The following DAAM2 variants were observed in gnomAD, a reference collection of about 807,000 sequenced individuals.
DAAM2 encodes disheveled-associated activator of morphogenesis 2.
A neutral mutation model predicts 120.7 loss-of-function variants in DAAM2; 39 were observed. That is an observed-to-expected ratio of 0.32 (90% CI 0.25 to 0.42). The LOEUF (loss-of-function observed/expected upper bound fraction) is 0.42, where lower values mean the gene tolerates loss of function less well. Among genes scored for constraint, DAAM2 ranks in the 10% least tolerant of loss-of-function variants. The probability of loss-of-function intolerance (pLI) is 1.00; values close to 1 mark genes in which losing one functional copy is unlikely to be tolerated. For synonymous variants in DAAM2, 488 were observed against 524.9 expected (o/e 0.93, Z 0.96); for missense variants, 1,283 against 1,401.7 (o/e 0.92, Z 1.35).
intron 22 of DAAM2, 142 bp downstream of exon 22, chr6:39,899,079 G>C: frequency 1.5e-6 from 1 of 663,326 alleles, no homozygotes; most frequent in Non-Finnish European, 2.7e-6. Context: ...AAGGATAACT[G>C]GATTACTGGG....
chr6:39,857,387 A>G (rs1336991743), intron 2 of DAAM2, among the ~76,000 whole-genome samples: 1 of 152,240 alleles, frequency 6.6e-6, no homozygotes, highest in East Asian at 1.9e-4. Flanking sequence ...GGTTAAGCCA[A>G]TCCAGCTCTT....
chr6:39,796,215 T>C (rs965200309), intron 1 of DAAM2, among the ~76,000 whole-genome samples: 1 of 152,190 alleles, frequency 6.6e-6, no homozygotes, highest in Non-Finnish European at 1.5e-5. Flanking sequence ...CAGGTCCTCT[T>C]GGCCCATCTC....
intron 1 of DAAM2, among the ~76,000 whole-genome samples, chr6:39,847,149 G>A (rs1763627961): frequency 6.6e-6 from 1 of 152,214 alleles, no homozygotes; most frequent in East Asian, 1.9e-4. Context: ...GCCCTGCTGT[G>A]TTTCTAGGGC....
At chr6:39,798,380 A>T (rs1561990869) in intron 1 of DAAM2, among the ~76,000 whole-genome samples, 1 of 152,214 alleles carries the variant, frequency 6.6e-6, no homozygotes, top group Non-Finnish European at 1.5e-5. Flanking sequence ...TAGCTATGGT[A>T]GTTGCTGTAG....
At position 39,860,978 on chromosome 6, in the gene DAAM2, C is replaced by T. The variant is rs777555801; in HGVS notation, c.219C>T (p.Pro73=). The change falls in exon 3 of 25, where the codon CCC becomes CCT. Residue 73 remains proline, a synonymous_variant. Coordinates refer to ENST00000274867, the MANE Select transcript of DAAM2 (RefSeq NM_001201427.2). ...ACCGAGAGGCTATGTTTGCACTGCC[C>T]CCTGAGAAGAAATGGCAGATCTACT... ...DKNREAMFAL[P]PEKKWQIYCS... The T allele has an allele frequency of 3.1e-6, 5 of 1,612,932 alleles. No individual in the cohort carries two copies. The highest frequency in any genetic ancestry group is 3.4e-6 in the Non-Finnish European group (4 of 1,179,616).
At chr6:39,814,730 C>T (rs746075254) in intron 1 of DAAM2, among the ~76,000 whole-genome samples, 1 of 152,204 alleles carries the variant, frequency 6.6e-6, no homozygotes, top group Non-Finnish European at 1.5e-5. Context: ...CCCACCATTT[C>T]TGTGGAACTC....
chr6:39,856,569 T>C (rs904783970), intron 2 of DAAM2, 99 bp downstream of exon 2: 71 of 1,010,554 alleles, frequency 7.0e-5, no homozygotes, highest in Non-Finnish European at 9.2e-5. Flanking sequence ...GGGGTCTCCA[T>C]CTCTCAAAAC....
At chr6:39,817,993 G>A (rs1762358032) in intron 1 of DAAM2, among the ~76,000 whole-genome samples, 1 of 151,938 alleles carries the variant, frequency 6.6e-6, no homozygotes, top group African/African-American at 2.4e-5. Context: ...AGTCTGGCCA[G>A]CATGGTGAAT....
At chr6:39,812,139 A>C (rs936056830) in intron 1 of DAAM2, among the ~76,000 whole-genome samples, 1 of 152,122 alleles carries the variant, frequency 6.6e-6, no homozygotes, top group Admixed American at 6.5e-5. Flanking sequence ...GGACCCCGGG[A>C]GCTAGGTCTT....
chr6:39,812,298 A>G (rs1026053256), intron 1 of DAAM2, among the ~76,000 whole-genome samples: 2 of 152,220 alleles, frequency 1.3e-5, no homozygotes, highest in Non-Finnish European at 2.9e-5. Context: ...CACTGGGCTA[A>G]GCCCTTGCAC....
At chr6:39,797,252 C>A (rs1761729357) in intron 1 of DAAM2, among the ~76,000 whole-genome samples, 1 of 152,132 alleles carries the variant, frequency 6.6e-6, no homozygotes, top group Admixed American at 6.5e-5. Flanking sequence ...GAATCAAGGT[C>A]AAACTGAGGA....
intron 1 of DAAM2, chr6:39,818,691 A>G (rs1762388381): frequency 6.6e-6 from 1 of 152,118 alleles, no homozygotes; most frequent in Admixed American, 6.5e-5. Flanking sequence ...TTTAAAGCCC[A>G]TTTGTGTGCT....
chr6:39,899,962 T>C (rs556190283), intron 22 of DAAM2, 115 bp from the exon 23 acceptor site: 1 of 1,135,030 alleles, frequency 8.8e-7, no homozygotes, highest in East Asian at 3.8e-5. Context: ...ATGCAGGGTG[T>C]TCCCTCTTCC....
intron 1 of DAAM2, among the ~76,000 whole-genome samples, chr6:39,828,535 A>T (rs1308504349): frequency 1.3e-5 from 2 of 151,166 alleles, no homozygotes; most frequent in African/African-American, 4.9e-5. Flanking sequence ...GAAGGGCTAA[A>T]AGGGCCTAAG....
chr6:39,879,101 A>T, intron 13 of DAAM2, 77 bp from the exon 14 acceptor site: 1 of 916,446 alleles, frequency 1.1e-6, no homozygotes, highest in Non-Finnish European at 1.6e-6. Flanking sequence ...AACTAGAAGG[A>T]GAGGAATCAT....
intron 19 of DAAM2, 21 bp from the exon 20 acceptor site, chr6:39,896,791 G>C: frequency 1.3e-6 from 2 of 1,570,494 alleles, no homozygotes; most frequent in Non-Finnish European, 8.6e-7. Flanking sequence ...GCAGGCCTCT[G>C]ACCTGTGCCT....
At position 39,901,990 on chromosome 6, in the gene DAAM2, G is replaced by A. The variant is rs185160084; in HGVS notation, c.3160G>A (p.Ala1054Thr). The A allele has an allele frequency of 1.4e-4, 221 of 1,611,842 alleles. 1 individual carries two copies. In the African/African-American group the frequency reaches 2.1e-3, roughly 16 times the overall value. ...CAGCCGCAAGCGATCAGGGAGCCAGGCCCTGGAAGTTACCCGGGAGCGGGC... is the reference window on the plus strand; with the variant it reads ...CAGCCGCAAGCGATCAGGGAGCCAGACCCTGGAAGTTACCCGGGAGCGGGC... ...KRSRKRSGSQ[A>T]LEVTRERAIN... Residue 1054 changes from alanine to threonine, a missense_variant, in exon 25 of 25, where the codon GCC (alanine) becomes ACC (threonine). Around this residue, in one of 3 missense-constraint regions of DAAM2, gnomAD observed 748 missense variants for 768.6 expected, o/e 0.97. Transcript: ENST00000274867. The surrounding 1 kb of genome is among the most constrained non-coding windows in gnomAD (Gnocchi z 4.5).
intron 10 of DAAM2, among the ~76,000 whole-genome samples, chr6:39,874,310 G>A (rs562812451): frequency 6.6e-6 from 1 of 152,282 alleles, no homozygotes; most frequent in East Asian, 1.9e-4. Context: ...GATTTTGCTG[G>A]GTGAAAAGTA....
intron 1 of DAAM2, among the ~76,000 whole-genome samples, chr6:39,828,326 T>C (rs553387649): frequency 4.6e-5 from 7 of 152,324 alleles, no homozygotes; most frequent in Admixed American, 4.6e-4. Context: ...AGGTGGTGTT[T>C]TGTTGCTTCT....
Sources: gnomAD v4.1 joint callset for allele counts (sites outside exome capture counted in the v4.1 genomes callset) on GRCh38, gnomAD v4.1.1 for gene constraint, gnomAD v4.1.1 regional missense constraint, Gnocchi (gnomAD v3.1) non-coding constraint, MANE v1.5 for transcripts, NCBI Gene and HGNC (gene_info 2026-07-23, HGNC 2026-07-21) for gene names.